Variants in PTGS2 observed in about 807,000 individuals in gnomAD.
PTGS2 encodes the protein prostaglandin-endoperoxide synthase 2.
A neutral mutation model predicts 63.8 loss-of-function variants in PTGS2; 14 were observed. The ratio of observed to expected loss-of-function variants is 0.22; its 90% CI spans 0.14 to 0.34. The LOEUF is 0.34. PTGS2 is among the 10% of genes least tolerant of loss of function. PTGS2 has a pLI of 1.00. For missense variants in PTGS2, 533 were observed against 738.5 expected, an observed-to-expected ratio of 0.72 and a Z score of 3.23; for synonymous variants, 271 against 259.5, an observed-to-expected ratio of 1.04 and a Z score of -0.43.
At position 186,674,677 on chromosome 1, in the gene PTGS2, C is replaced by T. The variant is rs776081537; in HGVS notation, c.1491G>A (p.Lys497=). The T allele has an allele frequency of 1.9e-6, 3 of 1,614,090 alleles. No homozygotes were observed. The highest frequency in any genetic ancestry group is 2.5e-6 in the Non-Finnish European group (3 of 1,180,040). Residue 497 remains lysine, a synonymous_variant, in exon 10 of 10, where the codon AAG becomes AAA. Coordinates refer to ENST00000367468, the MANE Select transcript of PTGS2 (RefSeq NM_000963.4). ...VELYPALLVE[K]PRPDAIFGET... is the part of the protein sequence containing the mutation. The stretch of plus-strand genomic sequence containing the variant: ...CACCAAAGATGGCATCTGGCCGAGG[C>T]TTTTCTACCAGAAGGGCAGGATACA...
Position 186,680,213 on chromosome 1 carries a change from C to G in PTGS2, c.52+26G>C, listed in dbSNP as rs199518299. 102 of 1,549,712 alleles carry G rather than the reference C, an allele frequency of 6.6e-5. No homozygotes were observed. In the East Asian group the frequency reaches 1.4e-3, roughly 22 times the overall value. The stretch of plus-strand genomic sequence containing the variant: ...TGCCCGGGTGCGTGGAACCGGAGTC[C>G]CCGGTGCGCGGCGCCAGGTACTCAC... On this transcript the variant is annotated intron_variant, in intron 1 of 9. Coordinates refer to ENST00000367468, the MANE Select transcript of PTGS2 (RefSeq NM_000963.4).
rs200204426 is a variant in PTGS2 at position 186,676,539 on chromosome 1, C to T, written c.898G>A (p.Asp300Asn). The T allele has an allele frequency of 4.8e-5, 78 of 1,613,934 alleles. No individual in the cohort carries two copies. Among genetic ancestry groups the T allele is most frequent in the Non-Finnish European group, 6.2e-5 (73 of 1,180,028 alleles). Residue 300 changes from aspartate (D) to asparagine (N), a missense_variant, in exon 7 of 10, where the codon GAT becomes AAT. Around this residue, in one of 5 missense-constraint regions of PTGS2, gnomAD observed 67 missense variants for 152.6 expected, o/e 0.44. Transcript: ENST00000367468. ...IWLREHNRVC[D>N]VLKQEHPEWG... The stretch of plus-strand genomic sequence containing the variant: ...TCAGGATGCTCCTGTTTAAGCACAT[C>T]GCATACTCTGTTGTGTTCCCGCAGC...
chr1:186,675,907 A>G lies in PTGS2; in HGVS notation c.1248T>C (p.Ile416=), dbSNP rs767397966. 1 of 1,610,086 alleles carries G rather than the reference A, an allele frequency of 6.2e-7. No homozygotes were observed. Among genetic ancestry groups the G allele is most frequent in the Non-Finnish European group, 8.5e-7 (1 of 1,176,750 alleles). The part of the protein sequence containing the change: ...TQFVESFTRQ[I]AGRVAGGRNV... Reference sequence around the variant, plus strand: ...CAATAATAATGCTTACCCTGCCAGCAATTTGCCTGGTGAATGATTCAACAA... The same window carrying G: ...CAATAATAATGCTTACCCTGCCAGCGATTTGCCTGGTGAATGATTCAACAA... The change falls in exon 8 of 10, where the codon ATT becomes ATC. Residue 416 remains isoleucine (I), a synonymous_variant. Transcript: ENST00000367468.
rs903107670 is a variant in PTGS2, at chr1:186,674,103, C to T, written c.*250G>A. On this transcript the variant is annotated 3_prime_UTR_variant, in exon 10 of 10. Transcript: ENST00000367468. ...ATAAGTTGAAATTCAAGTAAAAAGA[C>T]GTCAAAACTCATTTCTCTCTGGTTT... is the stretch of plus-strand genomic sequence containing the variant. 3 of 200,094 alleles carry T rather than the reference C, an allele frequency of 1.5e-5. No individual in the cohort carries two copies. Among genetic ancestry groups the T allele is most frequent in the African/African-American group, 4.7e-5 (2 of 42,982 alleles). The allele number at this position is 200,094 out of a possible 1,614,324, so 12.4% of individuals were successfully genotyped here.
At chr1:186,679,483 T>G in intron 1 of PTGS2, 45 bp from the exon 2 acceptor site, 1 of 1,370,892 alleles carries the variant, frequency 7.3e-7, no homozygotes, top group African/African-American at 1.4e-5. Context: ...AGTGTCTTAA[T>G]CTTAATTTAA....
rs200492220 is a variant in PTGS2, at chr1:186,674,436, T to G, written c.1732A>C (p.Thr578Pro). The change falls in exon 10 of 10, where the codon ACC becomes CCC. Residue 578 changes from threonine to proline, a missense_variant. Thr to Pro is a conservative substitution (Grantham distance 38). Transcript: ENST00000367468. ...GAGCGGGAAGAACTTGCATTGATGG[T>G]GACTGTTTTAATGAGCTCTGGATCT... is the stretch of plus-strand genomic sequence containing the variant. The part of the protein sequence containing the change: ...VPDPELIKTV[T>P]INASSSRSGL... 7.6e-5 allele frequency: 122 copies of G among 1,613,966 alleles called. No individual in the cohort carries two copies. The highest frequency in any genetic ancestry group is 9.3e-5 in the Non-Finnish European group (110 of 1,179,986).
At chr1:186,676,951 G>A in intron 5 of PTGS2, 35 bp from the exon 6 acceptor site, 1 of 1,525,560 alleles carries the variant, frequency 6.6e-7, no homozygotes, top group Non-Finnish European at 9.0e-7. Flanking sequence ...ATTTGTTGCT[G>A]TTGAAGTTTT....
At chr1:186,679,256 C>T (rs1345083369) in intron 2 of PTGS2, 55 bp from the exon 3 acceptor site, 45 of 1,611,800 alleles carry the variant, frequency 2.8e-5, no homozygotes, top group Non-Finnish European at 3.6e-5. Flanking sequence ...TTATAAGACA[C>T]AAATCTATAC....
chr1:186,679,021 A>C, intron 3 of PTGS2, 37 bp downstream of exon 3: 2 of 1,587,112 alleles, frequency 1.3e-6, no homozygotes, highest in African/African-American at 2.7e-5. Context: ...TTTTTCTTTG[A>C]GAAGGCTAAA....
chr1:186,674,210 T>A lies in PTGS2; in HGVS notation c.*143A>T, dbSNP rs982939397. ...GTAGTGACATAAAAGTCTTCACAAG[T>A]ATGACTCCTTTCTCCGCAACAGGAG... is the stretch of plus-strand genomic sequence containing the variant. On this transcript the variant is annotated 3_prime_UTR_variant, in exon 10 of 10. Transcript: ENST00000367468. The A allele has an allele frequency of 3.0e-5, 14 of 463,606 alleles. No homozygotes were observed. The highest frequency in any genetic ancestry group is 2.8e-4 in the African/African-American group (14 of 49,534). 28.7% of individuals were successfully genotyped at this position (463,606 alleles called of 1,614,324 possible).
chr1:186,674,895 G>C (rs1665752085), intron 9 of PTGS2, 133 bp from the exon 10 acceptor site: 5 of 1,127,332 alleles, frequency 4.4e-6, no homozygotes, highest in Non-Finnish European at 6.1e-6. Context: ...AAGAAGTTTA[G>C]GGGCCAGGCG....
chr1:186,672,025 G>T lies in PTGS2; in HGVS notation c.*2328C>A, dbSNP rs191788711. On this transcript the variant is annotated 3_prime_UTR_variant, in exon 10 of 10. Transcript: ENST00000367468. ...AAACAGTGAACAGTGTTTTATACAA[G>T]CATATTGACTATTTCTTTCTTAACC... 7.3e-5 allele frequency: 11 copies of T among 151,656 alleles called. No homozygotes were observed. Among genetic ancestry groups the T allele is most frequent in the Non-Finnish European group, 1.2e-4 (8 of 67,850 alleles). The allele number at this position is 151,656 out of a possible 1,614,324, so 9.4% of individuals were successfully genotyped here.
rs1309790077 is a variant in PTGS2 at position 186,672,795 on chromosome 1, C to A, written c.*1558G>T. On this transcript the variant is annotated 3_prime_UTR_variant, in exon 10 of 10. Coordinates refer to ENST00000367468, the MANE Select transcript of PTGS2 (RefSeq NM_000963.4). ...GTACAGTTCTCTCTGAGGCACTAGC[C>A]TCTTTGCATCCATCTTGGTTACAGA... 6.6e-6 allele frequency: 1 copy of A among 152,524 alleles called. No individual in the cohort carries two copies. The highest frequency in any genetic ancestry group is 1.5e-5 in the Non-Finnish European group (1 of 67,978). The allele number at this position is 152,524 out of a possible 1,614,324, so 9.4% of individuals were successfully genotyped here. A position where few individuals can be genotyped will look rare whatever the true frequency, so the allele number is the denominator to read the frequency against.
At chr1:186,675,539 T>A (rs1352758138) in intron 8 of PTGS2, 143 bp from the exon 9 acceptor site, 4 of 950,400 alleles carry the variant, frequency 4.2e-6, no homozygotes, top group Non-Finnish European at 6.1e-6. Context: ...CTTACCTACA[T>A]TTCAACAGGA....
chr1:186,678,491 G>A, intron 3 of PTGS2, 87 bp from the exon 4 acceptor site: 4 of 1,261,292 alleles, frequency 3.2e-6, no homozygotes, highest in Non-Finnish European at 4.3e-6. Context: ...TGTGGAAAGT[G>A]GCACCTGAGG....
chr1:186,674,317 G>A lies in PTGS2; in HGVS notation c.*36C>T, dbSNP rs766788918. ...ATTAAATAATTAAATTAATAGACAT[G>A]GTTCATATAAATAAATAAATATGAT... On this transcript the variant is annotated 3_prime_UTR_variant, in exon 10 of 10. Coordinates refer to ENST00000367468, the MANE Select transcript of PTGS2 (RefSeq NM_000963.4). The A allele has an allele frequency of 2.3e-6, 3 of 1,280,828 alleles. No individual in the cohort carries two copies. Among genetic ancestry groups the A allele is most frequent in the Non-Finnish European group, 3.1e-6 (3 of 958,182 alleles). 79.3% of individuals were successfully genotyped at this position (1,280,828 alleles called of 1,614,324 possible). A position where few individuals can be genotyped will look rare whatever the true frequency, so the allele number is the denominator to read the frequency against.
rs199630699 is a variant in PTGS2 at position 186,680,370 on chromosome 1, G to A, written c.-80C>T. 16 of 1,089,016 alleles carry A rather than the reference G, an allele frequency of 1.5e-5. No individual in the cohort carries two copies. Among genetic ancestry groups the A allele is most frequent in the Middle Eastern group, 5.9e-4 (2 of 3,414 alleles). The allele number at this position is 1,089,016 out of a possible 1,614,324, so 67.5% of individuals were successfully genotyped here. A position where few individuals can be genotyped will look rare whatever the true frequency, so the allele number is the denominator to read the frequency against. The stretch of plus-strand genomic sequence containing the variant: ...TGGCTGTGGAGCTGAAGGAGGCGCT[G>A]CTGAGGAGTTCCTGGACGTGCTCCT... On this transcript the variant is annotated 5_prime_UTR_variant, in exon 1 of 10. Coordinates refer to ENST00000367468, the MANE Select transcript of PTGS2 (RefSeq NM_000963.4).
At chr1:186,678,945 C>T in intron 3 of PTGS2, 113 bp downstream of exon 3, 1 of 1,318,438 alleles carries the variant, frequency 7.6e-7, no homozygotes, top group South Asian at 1.5e-5. Flanking sequence ...TAAAAGCTAT[C>T]TTAAAGTCTT....
chr1:186,679,808 T>A (rs1407545463), intron 1 of PTGS2, among the ~76,000 whole-genome samples: 2 of 152,210 alleles, frequency 1.3e-5, no homozygotes, highest in East Asian at 3.9e-4. Context: ...AACAGCTTAC[T>A]TTTAAGACAT....
Sources: allele counts gnomAD v4.1 joint callset (sites outside exome capture counted in the v4.1 genomes callset), GRCh38; gene constraint gnomAD v4.1.1; regional missense constraint gnomAD v4.1.1; transcripts MANE v1.5; gene names NCBI Gene and HGNC (gene_info 2026-07-23, HGNC 2026-07-21).